TRIM16: variants seen among roughly 807,000 people sequenced by gnomAD.
TRIM16 encodes tripartite motif containing 16.
Under a neutral mutation model 50.4 loss-of-function variants are expected in TRIM16, and 33 were observed. The ratio of observed to expected loss-of-function variants is 0.65; its 90% confidence interval spans 0.50 to 0.88. The LOEUF (loss-of-function observed/expected upper bound fraction) is 0.88. TRIM16 is among the 40% of genes least tolerant of loss of function. The probability of loss-of-function intolerance (pLI) is 0.00; values close to 1 mark genes in which losing one functional copy is unlikely to be tolerated. For missense variants in TRIM16, 581 were observed against 686.8 expected, an observed-to-expected ratio of 0.85 and a Z score of 1.72; for synonymous variants, 229 against 270.7, an observed-to-expected ratio of 0.85 and a Z score of 1.51.
At chr17:15,654,833 T>C (rs2150922240) in intron 6 of TRIM16, among the ~76,000 whole-genome samples, 1 of 152,274 alleles carries the variant, frequency 6.6e-6, no homozygotes, top group Non-Finnish European at 1.5e-5. Context: ...TCTTTTTGGA[T>C]GTTAATCTGA....
At chr17:15,662,940 G>A (rs943956967) in intron 6 of TRIM16, among the ~76,000 whole-genome samples, 1 of 152,182 alleles carries the variant, frequency 6.6e-6, no homozygotes, top group Non-Finnish European at 1.5e-5. Context: ...TCTTACAGTT[G>A]CTCAGAGGAG....
intron 4 of TRIM16, among the ~76,000 whole-genome samples, chr17:15,679,038 G>C (rs1989067669): frequency 1.3e-5 from 2 of 151,968 alleles, no homozygotes; most frequent in Admixed American, 1.3e-4. Flanking sequence ...ACCACGCCCA[G>C]CTACTTTTTT....
chr17:15,653,477 C>A (rs1451081130), intron 6 of TRIM16, among the ~76,000 whole-genome samples: 1 of 152,208 alleles, frequency 6.6e-6, no homozygotes, highest in Non-Finnish European at 1.5e-5. Flanking sequence ...CCTCACAGTT[C>A]TAGAAGCTGG....
Position 15,632,020 on chromosome 17 carries a change from G to C in TRIM16, c.1016-306C>G. 7.8e-6 allele frequency: 3 copies of C among 385,494 alleles called. No homozygotes were observed. The South Asian group carries it at 7.9e-5, about 10-fold the overall frequency. The allele number at this position is 385,494 out of a possible 1,614,324, so 23.9% of individuals were successfully genotyped here. On this transcript the variant is annotated intron_variant, in intron 10 of 11. Transcript: ENST00000649191. ...AAGCATGACTAATTGTCCTTCTTTG[G>C]GTCTCAATTGTAAAAGAAAATCATC... is the stretch of plus-strand genomic sequence containing the variant.
At chr17:15,669,622 T>C (rs1041278379) in intron 6 of TRIM16, among the ~76,000 whole-genome samples, 27 of 152,258 alleles carry the variant, frequency 1.8e-4, no homozygotes, top group Non-Finnish European at 3.1e-4. Context: ...ACTTTTGTAA[T>C]GTAAAAAATG....
chr17:15,654,343 C>T (rs940718604), intron 6 of TRIM16: 2 of 152,226 alleles, frequency 1.3e-5, no homozygotes, highest in African/African-American at 2.4e-5. Flanking sequence ...TCTTCCACTG[C>T]TGAAGACCCT....
At chr17:15,674,985 C>A (rs896700488) in intron 6 of TRIM16, among the ~76,000 whole-genome samples, 3 of 151,870 alleles carry the variant, frequency 2.0e-5, no homozygotes, top group African/African-American at 7.3e-5. Context: ...TTTGTTTGGA[C>A]ATGGCACTAT....
intron 3 of TRIM16, among the ~76,000 whole-genome samples, chr17:15,682,101 C>A (rs1252201081): frequency 6.6e-6 from 1 of 152,164 alleles, no homozygotes; most frequent in Non-Finnish European, 1.5e-5. Flanking sequence ...TGTGTTAATG[C>A]ACATAAACGG....
chr17:15,674,542 C>G (rs897886236), intron 6 of TRIM16, among the ~76,000 whole-genome samples: 1 of 152,144 alleles, frequency 6.6e-6, no homozygotes, highest in Non-Finnish European at 1.5e-5. Flanking sequence ...CCACCGCACA[C>G]CTGGTGCTTT....
At chr17:15,670,496 G>A (rs1988679305) in intron 6 of TRIM16, among the ~76,000 whole-genome samples, 1 of 152,082 alleles carries the variant, frequency 6.6e-6, no homozygotes, top group South Asian at 2.1e-4. Context: ...ATGCAGGGTT[G>A]GGAGGTCTGT....
At chr17:15,670,559 C>A (rs1051604729) in intron 6 of TRIM16, among the ~76,000 whole-genome samples, 7 of 152,170 alleles carry the variant, frequency 4.6e-5, no homozygotes, top group African/African-American at 1.7e-4. Context: ...ACGGGCATAT[C>A]ATTTAACCTT....
chr17:15,640,830 G>A (rs1987081577), intron 8 of TRIM16, among the ~76,000 whole-genome samples: 1 of 148,462 alleles, frequency 6.7e-6, no homozygotes, highest in African/African-American at 2.5e-5. Flanking sequence ...CCAGGCTCTA[G>A]GAGTCACAGA....
At chr17:15,672,697 C>A (rs1231664775) in intron 6 of TRIM16, among the ~76,000 whole-genome samples, 1 of 152,160 alleles carries the variant, frequency 6.6e-6, no homozygotes, top group Non-Finnish European at 1.5e-5. Context: ...GGCGTCACTG[C>A]ACTCCAGCCC....
chr17:15,673,291 C>T (rs978901035), intron 6 of TRIM16, among the ~76,000 whole-genome samples: 6 of 152,210 alleles, frequency 3.9e-5, no homozygotes, highest in Admixed American at 2.0e-4. Context: ...CCAGATATCA[C>T]CGTTTATTCA....
At chr17:15,657,842 T>C (rs1287864599) in intron 6 of TRIM16, among the ~76,000 whole-genome samples, 1 of 152,212 alleles carries the variant, frequency 6.6e-6, no homozygotes, top group Non-Finnish European at 1.5e-5. Flanking sequence ...CTCAGGTTCA[T>C]CAGGTGTTGA....
chr17:15,631,661 T>G lies in TRIM16; in HGVS notation c.1069A>C (p.Thr357Pro), dbSNP rs781514549. Residue 357 changes from threonine (T) to proline (P), a missense_variant, in exon 11 of 12, where the codon ACT (threonine) becomes CCT (proline). Physicochemically the swap from Thr to Pro is conservative, Grantham distance 38. Transcript: ENST00000649191. ...CTGGTGCTGGGCTCAGGTTTGGAAG[T>G]CCAATATTTGCGCTGAACAACGGCA... ...VSAVVQRKYW[T>P]SKPEPSTREQ... 9 of 1,613,804 alleles carry G rather than the reference T, an allele frequency of 5.6e-6. No individual in the cohort carries two copies. The South Asian group carries it at 7.7e-5, about 14-fold the overall frequency.
chr17:15,633,359 T>C (rs1416639086), intron 9 of TRIM16, among the ~76,000 whole-genome samples: 6 of 150,832 alleles, frequency 4.0e-5, no homozygotes, highest in Admixed American at 2.0e-4. Flanking sequence ...AACCAGAGAA[T>C]TGATAGAGAA....
chr17:15,651,905 C>G lies in TRIM16; in HGVS notation c.-296G>C. The G allele has an allele frequency of 2.2e-6, 3 of 1,341,536 alleles. No homozygotes were observed. Among genetic ancestry groups the G allele is most frequent in the Non-Finnish European group, 2.9e-6 (3 of 1,042,878 alleles). The allele number at this position is 1,341,536 out of a possible 1,614,324, so 83.1% of individuals were successfully genotyped here. A position where few individuals can be genotyped will look rare whatever the true frequency, so the allele number is the denominator to read the frequency against. Reference sequence around the variant, plus strand: ...TCTATTCTTATGTGAATCATCTGAACCCCATAGGCTCTGCTGAAGACCACG... The same window carrying G: ...TCTATTCTTATGTGAATCATCTGAAGCCCATAGGCTCTGCTGAAGACCACG... On this transcript the variant is annotated 5_prime_UTR_variant, in exon 7 of 12. Coordinates refer to ENST00000649191, the MANE Select transcript of TRIM16 (RefSeq NM_001348119.1).
Position 15,632,538 on chromosome 17 carries a change from T to C in TRIM16, c.986A>G (p.Lys329Arg), listed in dbSNP as rs1234398357. 2 of 1,613,202 alleles carry C rather than the reference T, an allele frequency of 1.2e-6. No homozygotes were observed. The highest frequency in any genetic ancestry group is 1.7e-6 in the Non-Finnish European group (2 of 1,179,590). ...CTTGGAAAACTCCTGGAGCTTTTTC[T>C]TATAGTTCTCCAGCAACTGGATTAA... ...VHLIQLLENY[K>R]KKLQEFSKEE... The change falls in exon 10 of 12, where the codon AAG (lysine) becomes AGG (arginine). Residue 329 changes from lysine (K) to arginine (R), a missense_variant. Physicochemically the swap from Lys to Arg is conservative, Grantham distance 26. Around this residue, in one of 3 missense-constraint regions of TRIM16, gnomAD observed 450 missense variants for 544.3 expected, o/e 0.83. Transcript: ENST00000649191.
Sources: allele counts gnomAD v4.1 joint callset (sites outside exome capture counted in the v4.1 genomes callset), GRCh38; gene constraint gnomAD v4.1.1; regional missense constraint gnomAD v4.1.1; transcripts MANE v1.5; gene names NCBI Gene and HGNC (gene_info 2026-07-23, HGNC 2026-07-21).